SMIM7: variants seen among roughly 807,000 people sequenced by gnomAD.
The protein encoded by SMIM7 is small integral membrane protein 7, also known as UPF0608 protein C19orf42.
SMIM7 carries 12 observed loss-of-function variants against 13.3 expected under a neutral mutation model. The observed-to-expected ratio is 0.90, with a 90% CI of 0.58 to 1.46. The LOEUF (loss-of-function observed/expected upper bound fraction) is 1.46. SMIM7 is among the 40% of genes most tolerant of loss of function. The probability of loss-of-function intolerance (pLI) is 0.00; values close to 1 mark genes in which losing one functional copy is unlikely to be tolerated. For missense variants in SMIM7, 114 were observed against 94.8 expected (o/e 1.20, Z -0.84); for synonymous variants, 36 against 35.8 (o/e 1.01, Z -0.02).
chr19:16,655,446 C>T (rs1435041943), intron 3 of SMIM7: 8 of 453,738 alleles, frequency 1.8e-5, no homozygotes, highest in African/African-American at 1.4e-4. Context: ...TTCAGGAGGC[C>T]GAGGCAGGCA....
In SMIM7 at chr19:16,635,883, C is replaced by CAAAAAA. The variant is rs1207972448; in HGVS notation, c.*138-4165_*138-4160dup. Among the ~76,000 whole-genome samples the CAAAAAA allele has an allele frequency of 6.2e-5, 5 of 80,512 alleles. No individual in the cohort carries two copies. In the East Asian group the frequency reaches 1.2e-3, roughly 20 times the overall value. The allele number at this position is 80,512 out of a possible 152,430, so 52.8% of individuals were successfully genotyped here. On this transcript the variant is annotated intron_variant and NMD_transcript_variant, in intron 4 of 4. Coordinates refer to the SMIM7 transcript ENST00000465250. ...TGGGCAACAGAGCAAGACCCTGTCT[C>CAAAAAA]AAAAAAAAAAAAAAAAATATATATA... is the stretch of plus-strand genomic sequence containing the variant.
Position 16,660,137 on chromosome 19 carries a change from C to G in SMIM7, c.-27G>C. 1.2e-6 allele frequency: 2 copies of G among 1,613,990 alleles called. No individual in the cohort carries two copies. Among genetic ancestry groups the G allele is most frequent in the Non-Finnish European group, 1.7e-6 (2 of 1,179,984 alleles). On this transcript the variant is annotated 5_prime_UTR_variant, in exon 1 of 5. Transcript: ENST00000487416. ...GTTACGGCCGAAGCGTCCGTCAGAA[C>G]CGGAAGCGGAAGCCCCAGGGAGGGA...
At chr19:16,652,660 C>T (rs754684818) in intron 4 of SMIM7, 12 of 1,377,996 alleles carry the variant, frequency 8.7e-6, no homozygotes, top group African/African-American at 1.5e-5. Context: ...GGGTGAAATG[C>T]CATCCTCCCC....
Position 16,647,212 on chromosome 19 carries a change from C to CG in SMIM7, c.*33dup. The CG allele has an allele frequency of 6.2e-7, 1 of 1,613,758 alleles. No homozygotes were observed. Among genetic ancestry groups the CG allele is most frequent in the South Asian group, 1.1e-5 (1 of 90,966 alleles). On this transcript the variant is annotated 3_prime_UTR_variant, in exon 5 of 5. Transcript: ENST00000487416. ...ATGGAGGAATGGAGACTCGGCATCC[C>CG]GGGAAAGTGAGTTCCTGGTTTCATC... is the stretch of plus-strand genomic sequence containing the variant.
chr19:16,639,368 C>T (rs1004875080), intron 4 of SMIM7, among the ~76,000 whole-genome samples: 3 of 152,036 alleles, frequency 2.0e-5, no homozygotes, highest in African/African-American at 4.8e-5. Context: ...ATGATCTGCC[C>T]GCCTCCGCCT....
At chr19:16,643,371 G>C (rs1403902536), downstream of SMIM7, among the ~76,000 whole-genome samples, 4 of 152,140 alleles carry the variant, frequency 2.6e-5, no homozygotes, top group Non-Finnish European at 5.9e-5. Context: ...CATTTGATAA[G>C]TTTCTTCAAT....
intron 4 of SMIM7, chr19:16,653,661 CA>C: frequency 4.6e-6 from 1 of 216,786 alleles, no homozygotes; most frequent in Non-Finnish European, 9.1e-6. Flanking sequence ...TTTGGGAGCC[CA>C]AGGTGGACGA....
chr19:16,654,974 A>G (rs1041375602), intron 3 of SMIM7, among the ~76,000 whole-genome samples: 1 of 152,082 alleles, frequency 6.6e-6, no homozygotes, highest in Non-Finnish European at 1.5e-5. Flanking sequence ...AACCAGTCTC[A>G]CAGTAAAACC....
At position 16,647,023 on chromosome 19, in the gene SMIM7, A is replaced by G. The variant is rs1195657810; in HGVS notation, c.*223T>C. The G allele has an allele frequency of 9.8e-6, 6 of 615,190 alleles. No homozygotes were observed. The highest frequency in any genetic ancestry group is 6.0e-5 in the South Asian group (3 of 50,086). The allele number at this position is 615,190 out of a possible 1,614,324, so 38.1% of individuals were successfully genotyped here. ...AACGCTCCTGAAACCCTTTCAGTAG[A>G]CAGCATTTCAATTCAGAGACCAAAG... On this transcript the variant is annotated 3_prime_UTR_variant, in exon 5 of 5. Coordinates refer to ENST00000487416, the MANE Select transcript of SMIM7 (RefSeq NM_024104.4).
chr19:16,643,498 G>A (rs1259934900), downstream of SMIM7, among the ~76,000 whole-genome samples: 3 of 152,196 alleles, frequency 2.0e-5, no homozygotes, highest in African/African-American at 7.2e-5. Flanking sequence ...CCGAGTTCAA[G>A]TGATTCCTCT....
Position 16,631,930 on chromosome 19 carries a change from C to T in SMIM7, c.*138-206G>A, listed in dbSNP as rs534168508. Among the ~76,000 whole-genome samples, 28 of 149,728 alleles carry T rather than the reference C, an allele frequency of 1.9e-4. 1 individual carries two copies. Among genetic ancestry groups the T allele is most frequent in the African/African-American group, 5.9e-4 (24 of 40,778 alleles). Reference sequence around the variant, plus strand: ...CTGTTGCCAGTCTGGAGTGCAGTGGCGTGATCTTGGCTCACTGCAATCTCC... The same window carrying T: ...CTGTTGCCAGTCTGGAGTGCAGTGGTGTGATCTTGGCTCACTGCAATCTCC... On this transcript the variant is annotated intron_variant and NMD_transcript_variant, in intron 4 of 4. Transcript: ENST00000465250.
Position 16,635,522 on chromosome 19 carries a change from C to T in SMIM7, c.*138-3798G>A, listed in dbSNP as rs895519338. Among the ~76,000 whole-genome samples the T allele has an allele frequency of 2.0e-5, 3 of 152,184 alleles. No individual in the cohort carries two copies. In the Middle Eastern group the frequency reaches 0.01, roughly 518 times the overall value. ...GGATCTGAAGGAAAAAAACAACAAA[C>T]TCACCCTAGCCAATGGAGCTTCCCA... On this transcript the variant is annotated intron_variant and NMD_transcript_variant, in intron 4 of 4. Coordinates refer to the SMIM7 transcript ENST00000465250.
chr19:16,655,624 T>C (rs890478620), intron 3 of SMIM7, among the ~76,000 whole-genome samples: 1 of 133,264 alleles, frequency 7.5e-6, no homozygotes, highest in South Asian at 2.3e-4. Flanking sequence ...GAGATTGCAG[T>C]GAGCTGAGAT....
At chr19:16,637,462 G>C (rs535960509) in intron 4 of SMIM7, among the ~76,000 whole-genome samples, 5 of 152,278 alleles carry the variant, frequency 3.3e-5, no homozygotes, top group Admixed American at 2.0e-4. Flanking sequence ...AGCCATGATC[G>C]CCTCACCTGG....
chr19:16,655,296 G>A lies in SMIM7; in HGVS notation c.122-1171C>T, dbSNP rs143053671. 3.3e-4 allele frequency: 151 copies of A among 456,172 alleles called. No homozygotes were observed. The Middle Eastern group carries it at 9.1e-3, about 27-fold the overall frequency. 28.3% of individuals were successfully genotyped at this position (456,172 alleles called of 1,614,324 possible). A position where few individuals can be genotyped will look rare whatever the true frequency, so the allele number is the denominator to read the frequency against. The stretch of plus-strand genomic sequence containing the variant: ...CCTCCGAGGGAAGGCAATTTAGTAC[G>A]TGAAGACTCCAGAGACCTGGGTTCT... On this transcript the variant is annotated intron_variant, in intron 3 of 4. Transcript: ENST00000487416.
intron 4 of SMIM7, chr19:16,653,106 T>A: frequency 1.0e-6 from 1 of 991,600 alleles, no homozygotes; most frequent in Non-Finnish European, 1.5e-6. Flanking sequence ...GAAGAACTGG[T>A]GAGACGTGAC....
intron 4 of SMIM7, chr19:16,652,569 T>C (rs937724297): frequency 8.7e-6 from 10 of 1,154,048 alleles, no homozygotes; most frequent in Non-Finnish European, 1.1e-5. Flanking sequence ...GCAAGTCTCA[T>C]ACATGCTCTC....
At chr19:16,648,786 C>A (rs900110377) in intron 4 of SMIM7, among the ~76,000 whole-genome samples, 1 of 152,084 alleles carries the variant, frequency 6.6e-6, no homozygotes, top group Non-Finnish European at 1.5e-5. Context: ...GTGGGTGGAT[C>A]ACTTGAGCCC....
In SMIM7 at chr19:16,660,022, T is replaced by C. The variant is rs756750611; in HGVS notation, c.27-22A>G. The C allele has an allele frequency of 9.3e-6, 15 of 1,614,014 alleles. No individual in the cohort carries two copies. The South Asian group carries it at 1.6e-4, about 18-fold the overall frequency. On this transcript the variant is annotated intron_variant, in intron 1 of 4. Transcript: ENST00000487416. ...CGTCCTGCAGAGGGAGAATTACAGT[T>C]ACTAGGGGCGCCCCCGCGTCCTGCC...
Sources: allele counts gnomAD v4.1 joint callset (sites outside exome capture counted in the v4.1 genomes callset), GRCh38; gene constraint gnomAD v4.1.1; transcripts MANE v1.5; gene names NCBI Gene and HGNC (gene_info 2026-07-23, HGNC 2026-07-21).